The following NKAIN2 variants were observed in gnomAD, a reference collection of about 807,000 sequenced individuals.
NKAIN2 encodes sodium/potassium-transporting ATPase subunit beta-1-interacting protein 2.
In NKAIN2, 14 loss-of-function variants were observed where a neutral mutation model predicts 32.6. That is an observed-to-expected ratio of 0.43 (90% CI 0.28 to 0.67). The LOEUF is 0.67. Ranked by LOEUF, NKAIN2 falls within the 30% of genes least tolerant of loss-of-function variation. The pLI is 0.17. For missense variants in NKAIN2, 198 were observed against 258.3 expected, an observed-to-expected ratio of 0.77 and a Z score of 1.60; for synonymous variants, 80 against 87.2, an observed-to-expected ratio of 0.92 and a Z score of 0.46.
At chr6:124,276,293 AAC>A (rs149321217) in intron 1 of NKAIN2, among the ~76,000 whole-genome samples, 2,987 of 145,138 alleles carry the variant, frequency 0.021, 28 homozygotes, top group African/African-American at 0.038. Context: ...CCCCTTGGTG[AAC>A]ACACACACAC....
At chr6:123,926,869 T>C (rs956704082) in intron 1 of NKAIN2, among the ~76,000 whole-genome samples, 4 of 152,202 alleles carry the variant, frequency 2.6e-5, no homozygotes, top group Non-Finnish European at 4.4e-5. Flanking sequence ...ATTTTTGATA[T>C]TCATTTTTCC....
intron 5 of NKAIN2, among the ~76,000 whole-genome samples, chr6:124,806,130 T>A (rs1441110984): frequency 6.6e-6 from 1 of 151,986 alleles, no homozygotes; most frequent in Non-Finnish European, 1.5e-5. Context: ...ATTCAGGAAA[T>A]ACAGAGAACA....
intron 3 of NKAIN2, among the ~76,000 whole-genome samples, chr6:124,397,358 C>T (rs1773424742): frequency 6.6e-6 from 1 of 151,902 alleles, no homozygotes; most frequent in South Asian, 2.1e-4. Flanking sequence ...CAAACATATT[C>T]AGTGCTTACC....
At chr6:124,252,394 A>G (rs1046128711) in intron 1 of NKAIN2, among the ~76,000 whole-genome samples, 1 of 152,094 alleles carries the variant, frequency 6.6e-6, no homozygotes, top group Non-Finnish European at 1.5e-5. Flanking sequence ...TGCTAAAACT[A>G]CAAAGAAAGG....
At chr6:123,997,928 A>ATGTT (rs1779700060) in intron 1 of NKAIN2, among the ~76,000 whole-genome samples, 1 of 152,052 alleles carries the variant, frequency 6.6e-6, no homozygotes, top group African/African-American at 2.4e-5. Flanking sequence ...TGTTAAAAGA[A>ATGTT]TGTTTGCTTT....
At chr6:124,250,945 T>C (rs1483403566) in intron 1 of NKAIN2, among the ~76,000 whole-genome samples, 1 of 152,000 alleles carries the variant, frequency 6.6e-6, no homozygotes, top group Non-Finnish European at 1.5e-5. Context: ...TAAAGATTAT[T>C]ATTTAAATGA....
chr6:124,139,248 C>T (rs547095256), intron 1 of NKAIN2, among the ~76,000 whole-genome samples: 26 of 149,220 alleles, frequency 1.7e-4, no homozygotes, highest in African/African-American at 5.9e-4. Flanking sequence ...GCCACCGCGC[C>T]CGGCTAATTT....
At chr6:124,479,783 T>G (rs1479772112) in intron 3 of NKAIN2, among the ~76,000 whole-genome samples, 2 of 152,162 alleles carry the variant, frequency 1.3e-5, no homozygotes, top group Non-Finnish European at 2.9e-5. Flanking sequence ...TTAGTGTATT[T>G]TTTTTCAACT....
intron 3 of NKAIN2, among the ~76,000 whole-genome samples, chr6:124,628,298 T>C (rs1233311034): frequency 6.6e-6 from 1 of 152,160 alleles, no homozygotes; most frequent in Non-Finnish European, 1.5e-5. Flanking sequence ...CCTAAGGTTG[T>C]AGATATATTC....
intron 1 of NKAIN2, among the ~76,000 whole-genome samples, chr6:123,817,886 A>T (rs889982113): frequency 6.6e-6 from 1 of 152,138 alleles, no homozygotes; most frequent in Admixed American, 6.5e-5. Context: ...CTGGAGAGGC[A>T]ATGTTGAATC....
At chr6:124,093,863 A>C (rs111926061) in intron 1 of NKAIN2, among the ~76,000 whole-genome samples, 61 of 152,248 alleles carry the variant, frequency 4.0e-4, no homozygotes, top group African/African-American at 1.4e-3. Context: ...AAAGCCAGAG[A>C]AACTAAAGGT....
chr6:124,135,442 G>T (rs1262359792), intron 1 of NKAIN2, among the ~76,000 whole-genome samples: 3 of 142,180 alleles, frequency 2.1e-5, no homozygotes, highest in East Asian at 4.2e-4. Context: ...GATATTCCAC[G>T]CAAATGAAAA....
intron 1 of NKAIN2, among the ~76,000 whole-genome samples, chr6:123,903,205 A>G (rs372457214): frequency 6.6e-6 from 1 of 152,212 alleles, no homozygotes; most frequent in Non-Finnish European, 1.5e-5. Context: ...AACCTTTGCC[A>G]TATTAGCTGT....
At chr6:123,915,051 G>A (rs12530276) in intron 1 of NKAIN2, among the ~76,000 whole-genome samples, 49,857 of 152,002 alleles carry the variant, frequency 0.33, 9,071 homozygotes, top group East Asian at 0.64. Context: ...ATTTGTATGT[G>A]TTCTAAGGTT....
intron 4 of NKAIN2, among the ~76,000 whole-genome samples, chr6:124,787,236 G>A (rs1038939918): frequency 6.6e-6 from 1 of 152,016 alleles, no homozygotes; most frequent in African/African-American, 2.4e-5. Context: ...TTAATACCGG[G>A]AGATGAAATA....
At chr6:124,509,062 G>A (rs1778607636) in intron 3 of NKAIN2, among the ~76,000 whole-genome samples, 1 of 152,126 alleles carries the variant, frequency 6.6e-6, no homozygotes, top group African/African-American at 2.4e-5. Context: ...ATCTTTTTAG[G>A]AAACACAACT....
intron 3 of NKAIN2, among the ~76,000 whole-genome samples, chr6:124,399,949 G>T (rs988642363): frequency 2.6e-5 from 4 of 152,094 alleles, no homozygotes; most frequent in African/African-American, 4.8e-5. Context: ...GAAAAACAAG[G>T]ATGTTTTTAC....
chr6:123,806,730 C>A (rs936572595), intron 1 of NKAIN2, among the ~76,000 whole-genome samples: 10 of 151,850 alleles, frequency 6.6e-5, no homozygotes, highest in African/African-American at 1.7e-4. Context: ...AGTATGTGTT[C>A]TTGTAACATT....
rs2114298934 is a variant in NKAIN2, at chr6:124,365,501, T to C, written c.273+10154T>C. On this transcript the variant is annotated intron_variant, in intron 3 of 6. Transcript: ENST00000368417. ...CACATGAAGATATTGCAAAGCAACA[T>C]TACCTGAATAAAATAATACAGCTTC... Among the ~76,000 whole-genome samples the C allele has an allele frequency of 1.3e-5, 2 of 151,902 alleles. 1 individual carries two copies. Among genetic ancestry groups the C allele is most frequent in the South Asian group, 4.2e-4 (2 of 4,804 alleles).
Sources: allele counts gnomAD v4.1 joint callset (sites outside exome capture counted in the v4.1 genomes callset), GRCh38; gene constraint gnomAD v4.1.1; transcripts MANE v1.5; gene names NCBI Gene and HGNC (gene_info 2026-07-23, HGNC 2026-07-21).